FMNL2: variants seen among roughly 807,000 people sequenced by gnomAD.
FMNL2 encodes formin-like protein 2.
In FMNL2, 51 loss-of-function variants were observed where a neutral mutation model predicts 130.2. The observed-to-expected ratio is 0.39, with a 90% CI of 0.31 to 0.49. FMNL2 has a LOEUF of 0.49. FMNL2 is among the 20% of genes least tolerant of loss of function. FMNL2 has a pLI of 0.85. For missense variants in FMNL2, 977 were observed against 1,316.2 expected, an observed-to-expected ratio of 0.74 and a Z score of 3.99; for synonymous variants, 465 against 467.1, an observed-to-expected ratio of 1.00 and a Z score of 0.06.
chr2:152,362,350 A>G (rs1683227280), intron 1 of FMNL2, among the ~76,000 whole-genome samples: 1 of 152,216 alleles, frequency 6.6e-6, no homozygotes, highest in Non-Finnish European at 1.5e-5. Flanking sequence ...GGAGAATTAG[A>G]TGTAAGTTTT....
chr2:152,510,184 C>T (rs1447271617), intron 1 of FMNL2, among the ~76,000 whole-genome samples: 2 of 152,178 alleles, frequency 1.3e-5, no homozygotes, highest in African/African-American at 4.8e-5. Context: ...TTCCTAATTA[C>T]TTATTTGTTT....
chr2:152,557,097 T>A (rs548344395), intron 4 of FMNL2, among the ~76,000 whole-genome samples: 4 of 152,298 alleles, frequency 2.6e-5, no homozygotes, highest in African/African-American at 9.6e-5. Flanking sequence ...CTTTTTACTA[T>A]TTCTAAGCTT....
At chr2:152,364,261 GTTTTT>G (rs869062341) in intron 1 of FMNL2, among the ~76,000 whole-genome samples, 69 of 24,466 alleles carry the variant, frequency 2.8e-3, no homozygotes, top group African/African-American at 8.3e-3. Context: ...AGGTTTGTGT[GTTTTT>G]TTTTTTTTTT....
At chr2:152,418,055 A>G (rs1686709520) in intron 1 of FMNL2, among the ~76,000 whole-genome samples, 1 of 152,108 alleles carries the variant, frequency 6.6e-6, no homozygotes, top group African/African-American at 2.4e-5. Flanking sequence ...CATGTTGCCC[A>G]GGGTGGTCTC....
At chr2:152,607,801 C>T (rs1698458417) in intron 10 of FMNL2, 1 of 160,684 alleles carries the variant, frequency 6.2e-6, no homozygotes, top group African/African-American at 2.4e-5. Context: ...GTGCCCTTCT[C>T]CAGACTATAT....
At chr2:152,459,966 G>C (rs970470695) in intron 1 of FMNL2, among the ~76,000 whole-genome samples, 6 of 152,086 alleles carry the variant, frequency 3.9e-5, no homozygotes, top group Non-Finnish European at 7.4e-5. Flanking sequence ...AATAAACATA[G>C]GAAATTTTTT....
rs187875905 is a variant in FMNL2 at position 152,625,950 on chromosome 2, C to A, written c.1962+388C>A. Among the ~76,000 whole-genome samples, 25 of 152,174 alleles carry A rather than the reference C, an allele frequency of 1.6e-4. No individual in the cohort carries two copies. The East Asian group carries it at 3.5e-3, about 21-fold the overall frequency. On this transcript the variant is annotated intron_variant, in intron 16 of 25. Transcript: ENST00000288670. ...AATCTGTGGCAGCTGTCTGTGCAAG[C>A]TAATTATTGAAAAGTAATTGAATTA... is the stretch of plus-strand genomic sequence containing the variant.
chr2:152,410,070 G>A lies in FMNL2; in HGVS notation c.117+74350G>A, dbSNP rs527500126. The stretch of plus-strand genomic sequence containing the variant: ...GGAATGAACAATACAGTTCTGTCTC[G>A]GTCATGTTTATGGACTCTTCTTCCT... On this transcript the variant is annotated intron_variant, in intron 1 of 25. Coordinates refer to ENST00000288670, the MANE Select transcript of FMNL2 (RefSeq NM_052905.4). Among the ~76,000 whole-genome samples, 11 of 152,194 alleles carry A rather than the reference G, an allele frequency of 7.2e-5. No homozygotes were observed. In the South Asian group the frequency reaches 2.3e-3, roughly 32 times the overall value.
intron 1 of FMNL2, among the ~76,000 whole-genome samples, chr2:152,444,806 G>A (rs559710384): frequency 6.6e-6 from 1 of 151,940 alleles, no homozygotes; most frequent in Admixed American, 6.5e-5. Context: ...GTAACTCAGT[G>A]TCCCCTGCTC....
At chr2:152,518,763 C>T (rs1187442793) in intron 1 of FMNL2, among the ~76,000 whole-genome samples, 2 of 152,214 alleles carry the variant, frequency 1.3e-5, no homozygotes, top group Non-Finnish European at 2.9e-5. Context: ...CCCATCTAAG[C>T]TGCCATCATT....
chr2:152,336,432 T>G (rs570001059), intron 1 of FMNL2, among the ~76,000 whole-genome samples: 60 of 152,302 alleles, frequency 3.9e-4, no homozygotes, highest in Admixed American at 2.6e-4. Context: ...TGCGGGGACG[T>G]GTTGCGAGCT....
chr2:152,485,360 G>A (rs1690762110), intron 1 of FMNL2, among the ~76,000 whole-genome samples: 1 of 152,148 alleles, frequency 6.6e-6, no homozygotes, highest in Admixed American at 6.5e-5. Context: ...GCATGGTGGT[G>A]TGCACCTGTA....
At chr2:152,545,370 C>T (rs1247024997) in intron 3 of FMNL2, among the ~76,000 whole-genome samples, 2 of 151,940 alleles carry the variant, frequency 1.3e-5, no homozygotes, top group African/African-American at 2.4e-5. Flanking sequence ...ATACTTGATT[C>T]GTTAATCTTT....
intron 9 of FMNL2, among the ~76,000 whole-genome samples, chr2:152,593,754 T>G (rs11883821): frequency 0.018 from 2,768 of 151,752 alleles, 96 homozygotes; most frequent in African/African-American, 0.061. Flanking sequence ...ATTTTTTTAG[T>G]GGGGGTGTAA....
At chr2:152,376,858 C>T (rs375180958) in intron 1 of FMNL2, among the ~76,000 whole-genome samples, 3 of 152,270 alleles carry the variant, frequency 2.0e-5, no homozygotes, top group East Asian at 3.9e-4. Flanking sequence ...CAGTTAGTTT[C>T]CAGCATTCTC....
chr2:152,531,676 A>C (rs6717982), intron 2 of FMNL2, among the ~76,000 whole-genome samples: 1 of 151,838 alleles, frequency 6.6e-6, no homozygotes, highest in South Asian at 2.1e-4. Flanking sequence ...GGGTTTCACC[A>C]TGTTGGCCAG....
chr2:152,335,689 G>C lies in FMNL2; in HGVS notation c.86G>C (p.Gly29Ala). The part of the protein sequence containing the change: ...VPLKLPMPEP[G>A]ELEERFAIVL... ...TTGAAGCTGCCGATGCCAGAGCCAG[G>C]TGAACTGGAGGAGCGATTTGCCATC... The change falls in exon 1 of 26, where the codon GGT becomes GCT. Residue 29 changes from glycine to alanine, a missense_variant. This residue lies in a region of FMNL2 where 117 missense variants were observed against 134.9 expected (regional missense o/e 0.87). Transcript: ENST00000288670. The C allele has an allele frequency of 6.3e-7, 1 of 1,587,274 alleles. No individual in the cohort carries two copies. Among genetic ancestry groups the C allele is most frequent in the Middle Eastern group, 1.7e-4 (1 of 5,968 alleles).
At chr2:152,406,252 G>A (rs1685972168) in intron 1 of FMNL2, among the ~76,000 whole-genome samples, 1 of 152,138 alleles carries the variant, frequency 6.6e-6, no homozygotes, top group South Asian at 2.1e-4. Context: ...CATTCATGTT[G>A]TTTTTCTTGT....
intron 1 of FMNL2, among the ~76,000 whole-genome samples, chr2:152,395,979 T>A (rs780586548): frequency 3.3e-5 from 5 of 152,256 alleles, no homozygotes; most frequent in Non-Finnish European, 5.9e-5. Context: ...TAAGAGCTGC[T>A]GTCTTTCGAC....
Sources: allele counts gnomAD v4.1 joint callset (sites outside exome capture counted in the v4.1 genomes callset), GRCh38; gene constraint gnomAD v4.1.1; regional missense constraint gnomAD v4.1.1; transcripts MANE v1.5; gene names NCBI Gene and HGNC (gene_info 2026-07-23, HGNC 2026-07-21).